Variants in MDGA2 observed in about 807,000 individuals in gnomAD.
The protein encoded by MDGA2 is MAM domain containing glycosylphosphatidylinositol anchor 2.
MDGA2 carries 40 observed loss-of-function variants against 117.8 expected under a neutral mutation model. The ratio of observed to expected loss-of-function variants is 0.34; its 90% confidence interval spans 0.26 to 0.44. The LOEUF is 0.44. Ranked by LOEUF, MDGA2 falls within the 20% of genes least tolerant of loss-of-function variation. The pLI, the probability that MDGA2 is intolerant of heterozygous loss-of-function variation, is 1.00. For missense variants in MDGA2, 1,123 were observed against 1,250.6 expected, an observed-to-expected ratio of 0.90 and a Z score of 1.54; for synonymous variants, 452 against 439.0, an observed-to-expected ratio of 1.03 and a Z score of -0.37.
intron 3 of MDGA2, among the ~76,000 whole-genome samples, chr14:47,171,590 C>T (rs1042510883): frequency 6.6e-6 from 1 of 152,118 alleles, no homozygotes; most frequent in African/African-American, 2.4e-5. Flanking sequence ...TGAAAATATA[C>T]ATTTTGAATG....
intron 6 of MDGA2, among the ~76,000 whole-genome samples, chr14:47,091,823 G>C (rs987171958): frequency 3.3e-5 from 5 of 152,036 alleles, no homozygotes; most frequent in African/African-American, 1.2e-4. Context: ...CCCGATGACA[G>C]GGATGGAGGC....
intron 1 of MDGA2, among the ~76,000 whole-genome samples, chr14:47,521,935 G>C (rs1226983192): frequency 2.0e-5 from 3 of 152,212 alleles, no homozygotes; most frequent in East Asian, 3.9e-4. Flanking sequence ...GTCTCCCAAA[G>C]TGCTGGGATT....
chr14:47,258,830 T>G (rs1489521238), intron 2 of MDGA2, among the ~76,000 whole-genome samples: 2 of 151,982 alleles, frequency 1.3e-5, no homozygotes, highest in African/African-American at 4.8e-5. Flanking sequence ...TTCATTTTTC[T>G]AATTAAGAAC....
intron 3 of MDGA2, among the ~76,000 whole-genome samples, chr14:47,184,944 G>T (rs113668220): frequency 6.6e-6 from 1 of 150,424 alleles, no homozygotes; most frequent in Non-Finnish European, 1.5e-5. Context: ...TAAATAAAAC[G>T]AAAACAAATA....
intron 3 of MDGA2, among the ~76,000 whole-genome samples, chr14:47,173,182 G>C (rs988407680): frequency 7.2e-5 from 11 of 152,278 alleles, no homozygotes; most frequent in South Asian, 2.1e-4. Context: ...ATTGGTGTAC[G>C]TGAAAGTGAC....
chr14:47,107,577 C>A (rs1407590448), intron 5 of MDGA2, among the ~76,000 whole-genome samples: 3 of 151,862 alleles, frequency 2.0e-5, no homozygotes, highest in Non-Finnish European at 4.4e-5. Flanking sequence ...CCCATTACTT[C>A]AATCAAGCCC....
intron 2 of MDGA2, among the ~76,000 whole-genome samples, chr14:47,295,317 A>C (rs1283998823): frequency 6.6e-6 from 1 of 152,204 alleles, no homozygotes; most frequent in African/African-American, 2.4e-5. Flanking sequence ...TCAAAGACCC[A>C]CACATTATAC....
chr14:47,550,256 T>C (rs1185714579), intron 1 of MDGA2, among the ~76,000 whole-genome samples: 1 of 152,250 alleles, frequency 6.6e-6, no homozygotes, highest in Admixed American at 6.5e-5. Context: ...AGATATTTAG[T>C]GACAATTTCT....
intron 1 of MDGA2, among the ~76,000 whole-genome samples, chr14:47,614,896 A>G (rs1020324564): frequency 6.6e-6 from 1 of 152,176 alleles, no homozygotes; most frequent in Non-Finnish European, 1.5e-5. Flanking sequence ...TTTTTAGAAT[A>G]TTGTATCTAT....
chr14:47,369,136 G>T (rs1383443760), intron 1 of MDGA2, among the ~76,000 whole-genome samples: 1 of 152,088 alleles, frequency 6.6e-6, no homozygotes, highest in East Asian at 1.9e-4. Flanking sequence ...TAGAAAACAT[G>T]CTGGATATAT....
At chr14:46,964,054 A>T (rs970771423) in intron 8 of MDGA2, among the ~76,000 whole-genome samples, 4 of 152,200 alleles carry the variant, frequency 2.6e-5, no homozygotes, top group African/African-American at 9.6e-5. Context: ...ACCAGGACAC[A>T]AGTGTCTGGC....
intron 6 of MDGA2, among the ~76,000 whole-genome samples, chr14:47,062,740 T>C (rs181869387): frequency 6.6e-6 from 1 of 152,164 alleles, no homozygotes; most frequent in Admixed American, 6.6e-5. Flanking sequence ...TTTAACCATA[T>C]TTTTGTCAGT....
intron 1 of MDGA2, among the ~76,000 whole-genome samples, chr14:47,491,280 C>CT (rs1038941743): frequency 6.6e-6 from 1 of 152,026 alleles, no homozygotes; most frequent in African/African-American, 2.4e-5. Context: ...ACAACTGGCC[C>CT]TAAAACCACT....
At chr14:47,129,631 G>A (rs1357373910) in intron 5 of MDGA2, among the ~76,000 whole-genome samples, 1 of 150,528 alleles carries the variant, frequency 6.6e-6, no homozygotes, top group Admixed American at 6.6e-5. Context: ...TGGGTCAAAT[G>A]GTATTTCTAG....
At chr14:47,430,842 C>A (rs1460878501) in intron 1 of MDGA2, among the ~76,000 whole-genome samples, 4 of 152,066 alleles carry the variant, frequency 2.6e-5, no homozygotes, top group African/African-American at 9.7e-5. Context: ...ACCAGTCTAG[C>A]TGTTTGACTA....
At chr14:46,937,644 T>C (rs892591151) in intron 9 of MDGA2, among the ~76,000 whole-genome samples, 2 of 152,100 alleles carry the variant, frequency 1.3e-5, no homozygotes, top group Admixed American at 6.6e-5. Flanking sequence ...CTGAAATTAA[T>C]TGACATTTCC....
intron 2 of MDGA2, among the ~76,000 whole-genome samples, chr14:47,219,104 T>A (rs1594732281): frequency 6.6e-6 from 1 of 152,038 alleles, no homozygotes; most frequent in African/African-American, 2.4e-5. Flanking sequence ...TTTTAGTTTG[T>A]TTTTAAGGTT....
intron 8 of MDGA2, among the ~76,000 whole-genome samples, chr14:47,013,772 G>GTGTATATATATATATATATATATA (rs1555343310): frequency 1.1e-5 from 1 of 93,686 alleles, no homozygotes; most frequent in Non-Finnish European, 2.2e-5. Context: ...TAATTTCCTT[G>GTGTATATATATATATATATATATA]TATATATATA....
intron 8 of MDGA2, among the ~76,000 whole-genome samples, chr14:47,030,028 A>T (rs937482093): frequency 4.0e-5 from 6 of 151,822 alleles, no homozygotes; most frequent in Non-Finnish European, 8.8e-5. Flanking sequence ...GGGTTTCACC[A>T]TGTTGGCCAG....
Sources: gnomAD v4.1 joint callset for allele counts (sites outside exome capture counted in the v4.1 genomes callset) on GRCh38, gnomAD v4.1.1 for gene constraint, MANE v1.5 for transcripts, NCBI Gene and HGNC (gene_info 2026-07-23, HGNC 2026-07-21) for gene names.